Variants in DNAI7 observed in about 807,000 individuals in gnomAD.
DNAI7 encodes cancer susceptibility 1.
Under a neutral mutation model 86.6 loss-of-function variants are expected in DNAI7, and 78 were observed. The ratio of observed to expected loss-of-function variants is 0.90; its 90% CI spans 0.75 to 1.09. The LOEUF (loss-of-function observed/expected upper bound fraction) is 1.09. Ranked by LOEUF, DNAI7 falls within the 50% of genes least tolerant of loss-of-function variation. DNAI7 has a pLI of 0.00. For missense variants in DNAI7, 753 were observed against 810.2 expected, an observed-to-expected ratio of 0.93 and a Z score of 0.86; for synonymous variants, 274 against 273.0, an observed-to-expected ratio of 1.00 and a Z score of -0.04.
intron 9 of DNAI7, among the ~76,000 whole-genome samples, chr12:25,134,352 C>CATTTTTT (rs766442145): frequency 1.1e-5 from 1 of 91,178 alleles, no homozygotes; most frequent in African/African-American, 4.2e-5. Flanking sequence ...CCTTGGCGTA[C>CATTTTTT]TTTTTTTTTT....
chr12:25,118,664 C>T lies in DNAI7; in HGVS notation c.1396+481G>A, dbSNP rs529590416. On this transcript the variant is annotated intron_variant, in intron 12 of 15. Coordinates refer to ENST00000395987, the MANE Select transcript of DNAI7 (RefSeq NM_018272.5). ...GCAACCTCCACCTCCCGGGTTCAGG[C>T]GATTCTCATGCCTCAGACTCCCAAG... Among the ~76,000 whole-genome samples, 7 of 152,200 alleles carry T rather than the reference C, an allele frequency of 4.6e-5. No homozygotes were observed. In the East Asian group the frequency reaches 5.8e-4, roughly 13 times the overall value.
At chr12:25,182,347 CAAAAA>C (rs1172587693) in intron 2 of DNAI7, among the ~76,000 whole-genome samples, 1 of 63,244 alleles carries the variant, frequency 1.6e-5, no homozygotes, top group Non-Finnish European at 3.6e-5. Context: ...AACTTCATCT[CAAAAA>C]AAAAAAAAAA....
At chr12:25,134,784 A>G (rs1055801199) in intron 9 of DNAI7, among the ~76,000 whole-genome samples, 2 of 152,238 alleles carry the variant, frequency 1.3e-5, no homozygotes, top group Non-Finnish European at 2.9e-5. Context: ...ACTCATTGGT[A>G]AGGGCCATTC....
At chr12:25,192,479 C>T (rs933063304) in intron 1 of DNAI7, among the ~76,000 whole-genome samples, 4 of 152,160 alleles carry the variant, frequency 2.6e-5, no homozygotes, top group Admixed American at 2.0e-4. Context: ...ATGCTCACTT[C>T]TCTTCCTACA....
chr12:25,161,460 C>T (rs1377345138), intron 2 of DNAI7, among the ~76,000 whole-genome samples: 1 of 152,146 alleles, frequency 6.6e-6, no homozygotes, highest in South Asian at 2.1e-4. Context: ...TTAAATAATT[C>T]TCATTCCCAG....
chr12:25,110,867 T>C (rs983939115), intron 14 of DNAI7, among the ~76,000 whole-genome samples: 2 of 152,204 alleles, frequency 1.3e-5, no homozygotes, highest in Non-Finnish European at 2.9e-5. Flanking sequence ...TTTGTTTCAT[T>C]CATTGCTATA....
intron 9 of DNAI7, among the ~76,000 whole-genome samples, chr12:25,128,677 T>C (rs766066918): frequency 2.6e-5 from 4 of 152,206 alleles, no homozygotes; most frequent in Admixed American, 6.5e-5. Context: ...ATATGCCTCA[T>C]TTCTCAAAAT....
chr12:25,144,762 TCTTCA>T, intron 8 of DNAI7, 85 bp from the exon 9 acceptor site: 1 of 1,042,134 alleles, frequency 9.6e-7, no homozygotes, highest in Non-Finnish European at 1.4e-6. Context: ...GCAGTATTTC[TCTTCA>T]CTTTAATTTT....
downstream of DNAI7, chr12:25,108,272 A>G: frequency 1.7e-6 from 1 of 574,848 alleles, no homozygotes; most frequent in East Asian, 2.9e-5. Context: ...TGAGCTTTTT[A>G]AGGAAGAAAT....
chr12:25,150,592 ACT>A (rs1385690364), intron 6 of DNAI7, among the ~76,000 whole-genome samples: 2 of 104,906 alleles, frequency 1.9e-5, no homozygotes, highest in African/African-American at 8.4e-5. Context: ...AGACAGTGAG[ACT>A]CTGTCTCAAA....
chr12:25,111,273 A>G (rs990084040), intron 14 of DNAI7, among the ~76,000 whole-genome samples: 2 of 152,200 alleles, frequency 1.3e-5, no homozygotes, highest in African/African-American at 2.4e-5. Flanking sequence ...CCCATCCTCA[A>G]GAAGCTCACA....
At chr12:25,190,582 C>T (rs10842501) in intron 2 of DNAI7, 32 bp downstream of exon 2, 565,896 of 1,087,268 alleles carry the variant, frequency 0.52, 151,695 homozygotes, top group East Asian at 0.79. Flanking sequence ...AGTGATTATA[C>T]AACTATCTAT....
At chr12:25,125,653 C>T (rs189603121) in intron 9 of DNAI7, among the ~76,000 whole-genome samples, 81 of 152,178 alleles carry the variant, frequency 5.3e-4, no homozygotes, top group South Asian at 2.1e-4. Flanking sequence ...GTTGCAATTG[C>T]GTTTGGTGCC....
intron 2 of DNAI7, among the ~76,000 whole-genome samples, chr12:25,178,698 A>C (rs947999784): frequency 2.0e-5 from 3 of 152,262 alleles, no homozygotes; most frequent in Non-Finnish European, 1.5e-5. Flanking sequence ...AGTGATATGG[A>C]AGAAAGTAGG....
intron 6 of DNAI7, among the ~76,000 whole-genome samples, chr12:25,150,315 A>G (rs959990275): frequency 6.6e-6 from 1 of 152,056 alleles, no homozygotes; most frequent in African/African-American, 2.4e-5. Context: ...CATTAAATTA[A>G]TAATGGAGGC....
chr12:25,162,214 T>C (rs1328913576), intron 2 of DNAI7, among the ~76,000 whole-genome samples: 2 of 152,172 alleles, frequency 1.3e-5, no homozygotes, highest in African/African-American at 4.8e-5. Context: ...CCAATAAATA[T>C]TTTATAAGCT....
intron 1 of DNAI7, among the ~76,000 whole-genome samples, chr12:25,193,227 G>C (rs1950694485): frequency 6.6e-6 from 1 of 152,048 alleles, no homozygotes; most frequent in African/African-American, 2.4e-5. Flanking sequence ...ATTGGAGACA[G>C]GGTCACTGCT....
chr12:25,152,806 G>A (rs574106260), intron 6 of DNAI7, among the ~76,000 whole-genome samples: 8 of 152,264 alleles, frequency 5.3e-5, no homozygotes, highest in Non-Finnish European at 1.0e-4. Context: ...GTAGGAATCT[G>A]GAGAGTTGGA....
chr12:25,180,307 A>G (rs902483281), intron 2 of DNAI7, among the ~76,000 whole-genome samples: 2 of 152,228 alleles, frequency 1.3e-5, no homozygotes, highest in African/African-American at 4.8e-5. Flanking sequence ...ACAAATGGAA[A>G]AATAATCCAT....
Sources: gnomAD v4.1 joint callset for allele counts (sites outside exome capture counted in the v4.1 genomes callset) on GRCh38, gnomAD v4.1.1 for gene constraint, MANE v1.5 for transcripts, NCBI Gene and HGNC (gene_info 2026-07-23, HGNC 2026-07-21) for gene names.